Variants in ARHGEF6 observed in about 807,000 individuals in gnomAD.
The protein encoded by ARHGEF6 is Rac/Cdc42 guanine nucleotide exchange factor 6.
Under a neutral mutation model 70.3 loss-of-function variants are expected in ARHGEF6, and 9 were observed. The observed-to-expected ratio is 0.13, with a 90% CI of 0.08 to 0.22. ARHGEF6 has a LOEUF of 0.22. ARHGEF6 is among the 10% of genes least tolerant of loss of function. The pLI is 1.00. For synonymous variants in ARHGEF6, 201 were observed against 207.8 expected, an observed-to-expected ratio of 0.97 and a Z score of 0.28; for missense variants, 470 against 563.0, an observed-to-expected ratio of 0.83 and a Z score of 1.67.
chrX:136,684,722 T>C (rs1162605663), intron 12 of ARHGEF6, among the ~76,000 whole-genome samples: 2 of 111,238 alleles, frequency 1.8e-5, no homozygotes, highest in Non-Finnish European at 3.8e-5. Flanking sequence ...TCTAAAATTA[T>C]ATTCTTCATC....
intron 9 of ARHGEF6, among the ~76,000 whole-genome samples, chrX:136,694,746 A>G (rs2076494145): frequency 8.9e-6 from 1 of 111,989 alleles, no homozygotes; most frequent in African/African-American, 3.2e-5. Context: ...AGGAGCTACC[A>G]TAGCAAGCTA....
chrX:136,747,501 G>A lies in ARHGEF6; in HGVS notation c.334+7C>T, dbSNP rs183417070. On this transcript the variant is annotated splice_region_variant and intron_variant, in intron 3 of 21. Coordinates refer to ENST00000250617, the MANE Select transcript of ARHGEF6 (RefSeq NM_004840.3). The stretch of plus-strand genomic sequence containing the variant: ...CCCAGAACATATAAATCACAAGCCC[G>A]GCTTACCTTCTGTTGCTTTGTTGAC... 605 of 1,201,508 alleles carry A rather than the reference G, an allele frequency of 5.0e-4. 2 individuals are homozygous for A. The African/African-American group carries it at 7.8e-3, about 16-fold the overall frequency.
intron 2 of ARHGEF6, among the ~76,000 whole-genome samples, chrX:136,774,498 AAAAT>A (rs2077387197): frequency 9.2e-6 from 1 of 109,192 alleles, no homozygotes. Context: ...TAAAAATACA[AAAAT>A]TAGCCGGGCG....
intron 2 of ARHGEF6, among the ~76,000 whole-genome samples, chrX:136,774,951 T>A (rs2077392240): frequency 9.0e-6 from 1 of 110,878 alleles, no homozygotes; most frequent in Admixed American, 9.7e-5. Flanking sequence ...GTCCTAGGGC[T>A]AACTTTAGGA....
intron 5 of ARHGEF6, among the ~76,000 whole-genome samples, chrX:136,739,078 C>T (rs917577213): frequency 5.4e-5 from 6 of 111,254 alleles, no homozygotes; most frequent in Admixed American, 2.9e-4. Flanking sequence ...ACATTGACAC[C>T]GCCTCTTAAT....
At chrX:136,695,663 T>C (rs1214031592) in intron 9 of ARHGEF6, among the ~76,000 whole-genome samples, 5 of 112,496 alleles carry the variant, frequency 4.4e-5, no homozygotes, top group Non-Finnish European at 9.4e-5. Context: ...AATTTGCCCT[T>C]ATATTCACAG....
intron 6 of ARHGEF6, among the ~76,000 whole-genome samples, chrX:136,727,040 T>C (rs2076859943): frequency 8.9e-6 from 1 of 112,178 alleles, no homozygotes; most frequent in African/African-American, 3.2e-5. Flanking sequence ...CTCATATGGC[T>C]CCCCCTGTCT....
At chrX:136,686,635 T>C (rs187769433) in intron 11 of ARHGEF6, among the ~76,000 whole-genome samples, 5 of 77,097 alleles carry the variant, frequency 6.5e-5, no homozygotes, top group Non-Finnish European at 8.8e-5. Context: ...CATATATATA[T>C]ATATATACAC....
Position 136,780,702 on chromosome X carries a change from T to C in ARHGEF6, c.165+16A>G. The C allele has an allele frequency of 8.3e-7, 1 of 1,204,930 alleles. No individual in the cohort carries two copies. ...TGGTGATAAGCAATCCCAAAGAGAC[T>C]GCAAATTTCCCTTACCTTTTCCACA... On this transcript the variant is annotated intron_variant, in intron 1 of 21. Coordinates refer to ENST00000250617, the MANE Select transcript of ARHGEF6 (RefSeq NM_004840.3).
chrX:136,775,277 C>G (rs958726247), intron 2 of ARHGEF6, among the ~76,000 whole-genome samples: 3 of 111,441 alleles, frequency 2.7e-5, no homozygotes. Context: ...CCCTGATGAA[C>G]ATAGATGCAA....
intron 9 of ARHGEF6, among the ~76,000 whole-genome samples, chrX:136,692,796 A>T (rs973359239): frequency 2.7e-5 from 3 of 111,529 alleles, no homozygotes; most frequent in Non-Finnish European, 5.6e-5. Flanking sequence ...GCAGGACAGG[A>T]TTTTGTAAAC....
At chrX:136,723,943 T>C (rs1301938156) in intron 6 of ARHGEF6, among the ~76,000 whole-genome samples, 1 of 111,016 alleles carries the variant, frequency 9.0e-6, no homozygotes, top group Non-Finnish European at 1.9e-5. Context: ...AATATAAAAA[T>C]AAAAATAAAA....
chrX:136,669,508 T>C lies in ARHGEF6; in HGVS notation c.2164A>G (p.Lys722Glu), dbSNP rs1185398230. The C allele has an allele frequency of 8.3e-7, 1 of 1,208,341 alleles. No homozygotes were observed. The highest frequency in any genetic ancestry group is 1.1e-6 in the Non-Finnish European group (1 of 893,650). Reference sequence around the variant, plus strand: ...TGCTTCAGTTCTCTGACCTCGTCCTTCAAGGCGTAAACAGTATCAACAAGG... The same window carrying C: ...TGCTTCAGTTCTCTGACCTCGTCCTCCAAGGCGTAAACAGTATCAACAAGG... ...KSLVDTVYAL[K>E]DEVRELKQEN... is the part of the protein sequence containing the mutation. Residue 722 changes from lysine to glutamate, a missense_variant, in exon 21 of 22, where the codon AAG (lysine) becomes GAG (glutamate). This residue lies in a region of ARHGEF6 where 88 missense variants were observed against 95.5 expected (regional missense o/e 0.92). Coordinates refer to ENST00000250617, the MANE Select transcript of ARHGEF6 (RefSeq NM_004840.3).
intron 19 of ARHGEF6, 134 bp downstream of exon 19, chrX:136,674,873 C>T: frequency 3.5e-6 from 2 of 568,810 alleles, no homozygotes; most frequent in Admixed American, 5.4e-5. Context: ...CAGTCCTGCA[C>T]CACTCCTCTG....
chrX:136,738,401 A>G lies in ARHGEF6; in HGVS notation c.661+5184T>C, dbSNP rs560159645. ...ACCTCTGCCTCCTCCTGTCTTCTCT[A>G]TTAACGGAGTTCAGCACACTTCAAA... On this transcript the variant is annotated intron_variant, in intron 5 of 21. Coordinates refer to ENST00000250617, the MANE Select transcript of ARHGEF6 (RefSeq NM_004840.3). Among the ~76,000 whole-genome samples, 4 of 111,687 alleles carry G rather than the reference A, an allele frequency of 3.6e-5. No homozygotes were observed. The South Asian group carries it at 1.5e-3, about 43-fold the overall frequency.
intron 5 of ARHGEF6, among the ~76,000 whole-genome samples, chrX:136,732,449 G>A (rs2076945451): frequency 8.9e-6 from 1 of 111,991 alleles, no homozygotes; most frequent in South Asian, 3.7e-4. Context: ...CTCCCAGTTG[G>A]GGTTTGTCTG....
chrX:136,779,571 A>G (rs762726305), intron 1 of ARHGEF6, 74 bp from the exon 2 acceptor site: 2 of 944,258 alleles, frequency 2.1e-6, no homozygotes, highest in East Asian at 3.1e-5. Flanking sequence ...TCATTTGCTG[A>G]TAACTAGAGA....
chrX:136,700,387 C>T (rs5975774), intron 9 of ARHGEF6, among the ~76,000 whole-genome samples: 6,131 of 110,751 alleles, frequency 0.055, 445 homozygotes, highest in African/African-American at 0.19. Context: ...ATTAGCCAGG[C>T]GTGGTGGCAC....
At chrX:136,728,529 G>A (rs1202900757) in intron 6 of ARHGEF6, among the ~76,000 whole-genome samples, 1 of 107,049 alleles carries the variant, frequency 9.3e-6, no homozygotes, top group Non-Finnish European at 1.9e-5. Context: ...TCCTGCCCAA[G>A]TTTACAGGAT....
Sources: allele counts gnomAD v4.1 joint callset (sites outside exome capture counted in the v4.1 genomes callset), GRCh38; gene constraint gnomAD v4.1.1; regional missense constraint gnomAD v4.1.1; transcripts MANE v1.5; gene names NCBI Gene and HGNC (gene_info 2026-07-23, HGNC 2026-07-21).